PUM1: variants seen among roughly 807,000 people sequenced by gnomAD.
PUM1 encodes the protein pumilio RNA binding family member 1, also known as pumilio homolog 1.
In PUM1, 13 loss-of-function variants were observed where a neutral mutation model predicts 131.8. The ratio of observed to expected loss-of-function variants is 0.10; its 90% CI spans 0.06 to 0.16. The LOEUF (loss-of-function observed/expected upper bound fraction) is 0.16. PUM1 is among the 10% of genes least tolerant of loss of function. The pLI, the probability that PUM1 is intolerant of heterozygous loss-of-function variation, is 1.00. For missense variants in PUM1, 961 were observed against 1,512.4 expected (o/e 0.64, Z 6.05); for synonymous variants, 509 against 556.5 (o/e 0.91, Z 1.20).
At chr1:31,052,180 T>C (rs946752026) in intron 2 of PUM1, among the ~76,000 whole-genome samples, 1 of 151,762 alleles carries the variant, frequency 6.6e-6, no homozygotes, top group African/African-American at 2.4e-5. Flanking sequence ...ACCCGGCTAA[T>C]TTTTCATATT....
At chr1:30,998,730 TGGGGAA>T (rs1642076152) in intron 5 of PUM1, among the ~76,000 whole-genome samples, 1 of 152,194 alleles carries the variant, frequency 6.6e-6, no homozygotes, top group South Asian at 2.1e-4. Context: ...GAGATTCCTA[TGGGGAA>T]TACTACCAAA....
chr1:30,992,245 C>A, intron 7 of PUM1, 145 bp downstream of exon 7: 1 of 1,109,622 alleles, frequency 9.0e-7, no homozygotes, highest in East Asian at 2.5e-5. Context: ...ACTCTGTAAA[C>A]CTACATCACT....
chr1:31,004,633 A>C (rs1283203829), intron 5 of PUM1, among the ~76,000 whole-genome samples: 1 of 152,200 alleles, frequency 6.6e-6, no homozygotes, highest in Non-Finnish European at 1.5e-5. Context: ...GGGTCAAAAC[A>C]CTGAAAAGCA....
intron 9 of PUM1, among the ~76,000 whole-genome samples, chr1:30,976,274 A>C (rs919620216): frequency 6.6e-6 from 1 of 152,218 alleles, no homozygotes; most frequent in Non-Finnish European, 1.5e-5. Context: ...AGCTGGTAGC[A>C]AGAAACACCA....
chr1:31,007,439 T>C (rs1485662041), intron 3 of PUM1, among the ~76,000 whole-genome samples: 1 of 152,208 alleles, frequency 6.6e-6, no homozygotes, highest in Non-Finnish European at 1.5e-5. Context: ...AGCTAACTAC[T>C]AAGTGGACTC....
chr1:31,042,420 A>G (rs1643850673), intron 2 of PUM1, among the ~76,000 whole-genome samples: 1 of 152,102 alleles, frequency 6.6e-6, no homozygotes, highest in African/African-American at 2.4e-5. Flanking sequence ...ATATCTACTA[A>G]CTTTTTTAAA....
At chr1:30,998,567 T>A (rs1022202082) in intron 5 of PUM1, among the ~76,000 whole-genome samples, 4 of 152,104 alleles carry the variant, frequency 2.6e-5, no homozygotes, top group African/African-American at 9.7e-5. Context: ...CCACTTGAGC[T>A]CAGGGGTTCA....
intron 5 of PUM1, among the ~76,000 whole-genome samples, chr1:30,997,852 G>A (rs1642038908): frequency 6.6e-6 from 1 of 152,012 alleles, no homozygotes; most frequent in African/African-American, 2.4e-5. Flanking sequence ...TTACCGGCAT[G>A]CACCACCACG....
chr1:30,968,322 C>A, intron 11 of PUM1, 32 bp downstream of exon 11: 2 of 1,586,600 alleles, frequency 1.3e-6, no homozygotes, highest in Non-Finnish European at 1.7e-6. Flanking sequence ...TTTTTCCCTG[C>A]CAAAGTATTA....
intron 1 of PUM1, among the ~76,000 whole-genome samples, chr1:31,063,901 G>A (rs2039650): frequency 0.28 from 42,713 of 151,826 alleles, 6,427 homozygotes; most frequent in Non-Finnish European, 0.34. Context: ...GTTATCTTGG[G>A]TAGTTTTGTG....
chr1:31,017,819 TA>T (rs1170247784), intron 3 of PUM1, among the ~76,000 whole-genome samples: 2 of 152,198 alleles, frequency 1.3e-5, no homozygotes, highest in Non-Finnish European at 2.9e-5. Context: ...CCTAGGGCTC[TA>T]ATCCAATAGG....
At chr1:30,962,386 C>G (rs1382672437) in intron 14 of PUM1, among the ~76,000 whole-genome samples, 1 of 152,110 alleles carries the variant, frequency 6.6e-6, no homozygotes, top group Non-Finnish European at 1.5e-5. Context: ...TTTCCACGCA[C>G]CAAGGAACCA....
intron 7 of PUM1, among the ~76,000 whole-genome samples, chr1:30,985,802 T>C (rs1353719870): frequency 3.9e-5 from 6 of 152,142 alleles, no homozygotes; most frequent in South Asian, 2.1e-4. Flanking sequence ...GAAAAAGCTA[T>C]GTAGTTGAAT....
chr1:31,009,558 G>C (rs537901074), intron 3 of PUM1, among the ~76,000 whole-genome samples: 1 of 152,166 alleles, frequency 6.6e-6, no homozygotes, highest in East Asian at 1.9e-4. Flanking sequence ...CTGAGGTCAG[G>C]AGTTCGAGAC....
intron 14 of PUM1, among the ~76,000 whole-genome samples, chr1:30,963,559 TA>T (rs1640504474): frequency 6.6e-6 from 1 of 152,220 alleles, no homozygotes; most frequent in Non-Finnish European, 1.5e-5. Flanking sequence ...AGGTCTAGAA[TA>T]ATAAGTCTAT....
At chr1:31,009,879 A>C (rs957145269) in intron 3 of PUM1, among the ~76,000 whole-genome samples, 1 of 152,146 alleles carries the variant, frequency 6.6e-6, no homozygotes, top group African/African-American at 2.4e-5. Context: ...TAATTTGTAA[A>C]ATTGCTTACA....
At chr1:30,934,410 T>C (rs957527601) in intron 21 of PUM1, among the ~76,000 whole-genome samples, 1 of 152,180 alleles carries the variant, frequency 6.6e-6, no homozygotes, top group Non-Finnish European at 1.5e-5. Flanking sequence ...GAGAGCTCCA[T>C]GAGGGCACCA....
chr1:31,001,364 A>T (rs1642205414), intron 5 of PUM1, among the ~76,000 whole-genome samples: 1 of 139,972 alleles, frequency 7.1e-6, no homozygotes, highest in Non-Finnish European at 1.5e-5. Context: ...ACAGAAAGAG[A>T]TTGTCTCAAA....
At position 31,007,120 on chromosome 1, in the gene PUM1, T is replaced by C. The variant is rs572059504; in HGVS notation, c.433-18A>G. ...AAGAGCTGCTGCAAATTAAAAATAA[T>C]AGATGCTTTTAAAGAATTCATAAAG... is the stretch of plus-strand genomic sequence containing the variant. On this transcript the variant is annotated intron_variant, in intron 3 of 21. Transcript: ENST00000426105. The C allele has an allele frequency of 1.5e-5, 23 of 1,555,964 alleles. No homozygotes were observed. The highest frequency in any genetic ancestry group is 8.4e-5 in the Admixed American group (5 of 59,740).
Sources: allele counts gnomAD v4.1 joint callset (sites outside exome capture counted in the v4.1 genomes callset), GRCh38; gene constraint gnomAD v4.1.1; transcripts MANE v1.5; gene names NCBI Gene and HGNC (gene_info 2026-07-23, HGNC 2026-07-21).